RHOBTB2: variants seen among roughly 807,000 people sequenced by gnomAD.
RHOBTB2 encodes Rho related BTB domain containing 2.
In RHOBTB2, 39 loss-of-function variants were observed where a neutral mutation model predicts 66.5. The ratio of observed to expected loss-of-function variants is 0.59; its 90% CI spans 0.45 to 0.77. The LOEUF is 0.77. Among genes scored for constraint, RHOBTB2 ranks in the 30% least tolerant of loss-of-function variants. RHOBTB2 has a pLI of 0.00. For synonymous variants in RHOBTB2, 390 were observed against 395.0 expected (o/e 0.99, Z 0.15); for missense variants, 755 against 999.1 (o/e 0.76, Z 3.29).
chr8:22,975,733 T>C, the RHOBTB2 span, among the ~76,000 whole-genome samples: 1 of 152,080 alleles, frequency 6.6e-6, no homozygotes, highest in Non-Finnish European at 1.5e-5. Context: ...AAAGGTGGGA[T>C]AGGCAAGAAA....
In RHOBTB2 at chr8:22,999,620, T is replaced by G; in HGVS notation, c.-496T>G. On this transcript the variant is annotated 5_prime_UTR_variant, in exon 1 of 10. Coordinates refer to ENST00000251822, the MANE Select transcript of RHOBTB2 (RefSeq NM_015178.3). ...TTTTTTACCCTCCCGTTTTTTTCTT[T>G]TCTTTTTTTTTTCCCTATCCTTTTT... 8.1e-7 allele frequency: 1 copy of G among 1,240,928 alleles called. No homozygotes were observed. Among genetic ancestry groups the G allele is most frequent in the South Asian group, 1.3e-5 (1 of 75,440 alleles). The allele number at this position is 1,240,928 out of a possible 1,614,324, so 76.9% of individuals were successfully genotyped here. A position where few individuals can be genotyped will look rare whatever the true frequency, so the allele number is the denominator to read the frequency against.
chr8:22,965,053 A>C, the RHOBTB2 span, among the ~76,000 whole-genome samples: 1 of 152,020 alleles, frequency 6.6e-6, no homozygotes, highest in Non-Finnish European at 1.5e-5. Context: ...CTGACATCAG[A>C]TAATCTGCTC....
At chr8:22,978,661 GAAGA>G in the RHOBTB2 span, among the ~76,000 whole-genome samples, 6 of 150,300 alleles carry the variant, frequency 4.0e-5, no homozygotes, top group African/African-American at 4.9e-5. Context: ...CAGGAGGCTA[GAAGA>G]AAGAAAGGAA....
chr8:22,959,661 T>C, the RHOBTB2 span, among the ~76,000 whole-genome samples: 1 of 152,158 alleles, frequency 6.6e-6, no homozygotes, highest in African/African-American at 2.4e-5. Context: ...CTCCTAGTTA[T>C]CCGCATACTT....
At chr8:23,009,308 T>C (rs1380891877) in intron 6 of RHOBTB2, among the ~76,000 whole-genome samples, 2 of 152,096 alleles carry the variant, frequency 1.3e-5, no homozygotes, top group Non-Finnish European at 2.9e-5. Flanking sequence ...CTCACCTAGA[T>C]TGGAAACTTA....
At chr8:23,014,470 GTCC>G (rs1159156891) in intron 7 of RHOBTB2, among the ~76,000 whole-genome samples, 1 of 152,190 alleles carries the variant, frequency 6.6e-6, no homozygotes, top group Non-Finnish European at 1.5e-5. Flanking sequence ...TAATTCCAAT[GTCC>G]TCCTTCTCTT....
chr8:22,972,181 G>A, the RHOBTB2 span, among the ~76,000 whole-genome samples: 4 of 152,304 alleles, frequency 2.6e-5, 1 homozygote, highest in Admixed American at 2.6e-4. Flanking sequence ...GAGCCTGGAT[G>A]TTCCAAACCA....
chr8:22,990,852 A>G (rs1448672964), intron 1 of RHOBTB2, among the ~76,000 whole-genome samples: 1 of 152,052 alleles, frequency 6.6e-6, no homozygotes, highest in African/African-American at 2.4e-5. Context: ...CTAGCTCAGC[A>G]TCGGCTTCTT....
At chr8:22,967,568 A>G in the RHOBTB2 span, among the ~76,000 whole-genome samples, 5 of 144,336 alleles carry the variant, frequency 3.5e-5, no homozygotes, top group African/African-American at 7.6e-5. Context: ...GTGCCACTGC[A>G]CTACAGACTG....
In RHOBTB2 at chr8:22,999,757, C is replaced by G; in HGVS notation, c.-359C>G. 2.0e-6 allele frequency: 2 copies of G among 1,008,648 alleles called. No homozygotes were observed. The highest frequency in any genetic ancestry group is 2.4e-6 in the Non-Finnish European group (2 of 846,080). The allele number at this position is 1,008,648 out of a possible 1,614,324, so 62.5% of individuals were successfully genotyped here. On this transcript the variant is annotated 5_prime_UTR_variant, in exon 1 of 10. Coordinates refer to ENST00000251822, the MANE Select transcript of RHOBTB2 (RefSeq NM_015178.3). ...GCGCGTAGCGGCGGCGGCCTCGCCC[C>G]TCTCCCGGCGCCCCTGCGCGCCGCC...
chr8:22,979,490 G>C, the RHOBTB2 span, among the ~76,000 whole-genome samples: 1 of 151,910 alleles, frequency 6.6e-6, no homozygotes, highest in East Asian at 1.9e-4. Context: ...GTGTGTGCAC[G>C]CATGTACCAC....
chr8:22,979,388 A>G, the RHOBTB2 span, among the ~76,000 whole-genome samples: 1 of 152,192 alleles, frequency 6.6e-6, no homozygotes, highest in Non-Finnish European at 1.5e-5. Context: ...CCATCCGGAG[A>G]TAACTACTTT....
intron 7 of RHOBTB2, 148 bp from the exon 8 acceptor site, chr8:23,014,542 A>C: frequency 1.6e-6 from 1 of 635,300 alleles, no homozygotes; most frequent in Admixed American, 2.7e-5. Context: ...GTGGCAGCAG[A>C]CGTCATAGCC....
chr8:23,017,469 A>T lies in RHOBTB2; in HGVS notation c.2184A>T (p.Ter728CysextTer7). 2.5e-6 allele frequency: 4 copies of T among 1,576,032 alleles called. No homozygotes were observed. The highest frequency in any genetic ancestry group is 3.4e-6 in the Non-Finnish European group (4 of 1,161,144). The change falls in exon 10 of 10, where the codon TGA becomes TGT. Residue 728 changes from the stop codon to cysteine (C), a stop_lost. Transcript: ENST00000251822. This position sits in a 1 kb window ranked among gnomAD's most constrained non-coding sequence, Gnocchi z 5.3. Reference protein sequence around the residue: ...SSPSSSSAVV* With the variant: ...SSPSSSSAVVC ...CATCTTCCTCCTCGGCTGTGGTCTG[A>T]GATGCTGCCACCCTCTTCTGACCCT...
At chr8:22,959,198 C>G in the RHOBTB2 span, among the ~76,000 whole-genome samples, 2 of 152,122 alleles carry the variant, frequency 1.3e-5, no homozygotes, top group African/African-American at 2.4e-5. Context: ...ACAGACCCAT[C>G]CAGCCACATC....
Position 23,006,722 on chromosome 8 carries a change from T to C in RHOBTB2, c.483-6T>C, listed in dbSNP as rs1488008933. The C allele has an allele frequency of 6.2e-7, 1 of 1,606,256 alleles. No homozygotes were observed. Among genetic ancestry groups the C allele is most frequent in the Non-Finnish European group, 8.5e-7 (1 of 1,174,818 alleles). On this transcript the variant is annotated splice_polypyrimidine_tract_variant and splice_region_variant and intron_variant, in intron 4 of 9. Transcript: ENST00000251822. This position sits in a 1 kb window ranked among gnomAD's most constrained non-coding sequence, Gnocchi z 6.1. ...ACAAGCTTGGTTTCCTTCTTGAACC[T>C]ACCAGGCCCATCAAACCTAATGAAA...
upstream of RHOBTB2, among the ~76,000 whole-genome samples, chr8:22,998,118 C>T (rs111687380): frequency 3.4e-3 from 520 of 152,268 alleles, 3 homozygotes; most frequent in African/African-American, 0.012. Context: ...ACTTCCTGTA[C>T]ATTGACCAGG....
chr8:22,952,626 C>T, the RHOBTB2 span, among the ~76,000 whole-genome samples: 36 of 152,116 alleles, frequency 2.4e-4, 3 homozygotes, highest in Admixed American at 1.8e-3. Flanking sequence ...CTTTTGAGGC[C>T]GGGTGTGGTG....
rs919194396 is a variant in RHOBTB2, at chr8:23,019,798, C to G, written c.*2329C>G. ...CTTCAGGGACCCACCGCCCATTCCC[C>G]GAGAGCTGTCGGAACCAGATGCAAC... On this transcript the variant is annotated 3_prime_UTR_variant, in exon 10 of 10. Transcript: ENST00000251822. 6.1e-6 allele frequency: 1 copy of G among 163,080 alleles called. No individual in the cohort carries two copies. The highest frequency in any genetic ancestry group is 2.4e-5 in the African/African-American group (1 of 41,498). The allele number at this position is 163,080 out of a possible 1,614,324, so 10.1% of individuals were successfully genotyped here.
Sources: gnomAD v4.1 joint callset for allele counts (sites outside exome capture counted in the v4.1 genomes callset) on GRCh38, gnomAD v4.1.1 for gene constraint, Gnocchi (gnomAD v3.1) non-coding constraint, MANE v1.5 for transcripts, NCBI Gene and HGNC (gene_info 2026-07-23, HGNC 2026-07-21) for gene names.